Variants in NAV2 observed in about 807,000 individuals in gnomAD.
NAV2 encodes the protein helicase, APC down-regulated 1.
NAV2 carries 54 observed loss-of-function variants against 223.2 expected under a neutral mutation model. The ratio of observed to expected loss-of-function variants is 0.24; its 90% confidence interval spans 0.19 to 0.30. The LOEUF (loss-of-function observed/expected upper bound fraction) is 0.30. NAV2 is among the 10% of genes least tolerant of loss of function. The probability of loss-of-function intolerance (pLI) is 1.00; values close to 1 mark genes in which losing one functional copy is unlikely to be tolerated. For synonymous variants in NAV2, 1,279 were observed against 1,239.3 expected (o/e 1.03, Z -0.67); for missense variants, 2,806 against 3,147.5 (o/e 0.89, Z 2.60).
chr11:19,787,115 G>C (rs754286605), intron 1 of NAV2, among the ~76,000 whole-genome samples: 4 of 151,942 alleles, frequency 2.6e-5, no homozygotes, highest in East Asian at 1.9e-4. Context: ...TTTTGAGATA[G>C]TGTCTTGTTC....
chr11:19,361,553 G>A (rs1444546057), intron 1 of NAV2, among the ~76,000 whole-genome samples: 2 of 152,106 alleles, frequency 1.3e-5, no homozygotes, highest in Non-Finnish European at 2.9e-5. Flanking sequence ...GGGCTCTAAA[G>A]TGTCTTCCTC....
chr11:19,751,160 C>T (rs2053777827), intron 1 of NAV2, among the ~76,000 whole-genome samples: 1 of 152,140 alleles, frequency 6.6e-6, no homozygotes, highest in South Asian at 2.1e-4. Flanking sequence ...AAAGAAGATC[C>T]AGTTTCCCAG....
intron 1 of NAV2, among the ~76,000 whole-genome samples, chr11:19,595,734 A>T (rs12794730): frequency 0.31 from 17,084 of 55,480 alleles, 2,820 homozygotes; most frequent in African/African-American, 0.52. Context: ...AAAAAAAAAA[A>T]TTTTTTTTTT....
intron 1 of NAV2, among the ~76,000 whole-genome samples, chr11:19,493,227 A>G (rs779832517): frequency 1.3e-5 from 2 of 151,178 alleles, no homozygotes; most frequent in Non-Finnish European, 2.9e-5. Flanking sequence ...TTCTCCTCCA[A>G]TAGAATACTA....
intron 1 of NAV2, among the ~76,000 whole-genome samples, chr11:19,374,602 G>A (rs1406993095): frequency 1.3e-5 from 2 of 152,106 alleles, no homozygotes; most frequent in African/African-American, 4.8e-5. Flanking sequence ...CTGCACAATA[G>A]GAAGAAACAC....
chr11:19,472,594 T>A (rs1202343248), intron 1 of NAV2, among the ~76,000 whole-genome samples: 4 of 152,116 alleles, frequency 2.6e-5, no homozygotes, highest in African/African-American at 9.7e-5. Context: ...TCATTTCCTC[T>A]TGTGTAGTCA....
chr11:19,848,929 C>T (rs554771323), intron 3 of NAV2, among the ~76,000 whole-genome samples: 1 of 152,204 alleles, frequency 6.6e-6, no homozygotes, highest in Non-Finnish European at 1.5e-5. Flanking sequence ...TCAGTCCCAT[C>T]ATAAGTGGCC....
intron 1 of NAV2, among the ~76,000 whole-genome samples, chr11:19,522,477 G>T (rs1269658239): frequency 6.6e-6 from 1 of 152,162 alleles, no homozygotes; most frequent in Non-Finnish European, 1.5e-5. Flanking sequence ...CAGCAGTAAG[G>T]GGCCAGCAAC....
At chr11:19,853,298 C>T (rs1343189510) in intron 3 of NAV2, among the ~76,000 whole-genome samples, 2 of 152,194 alleles carry the variant, frequency 1.3e-5, no homozygotes, top group African/African-American at 4.8e-5. Flanking sequence ...TATGACTGAG[C>T]AAACATGCAT....
At chr11:19,645,348 A>G (rs982659973) in intron 1 of NAV2, among the ~76,000 whole-genome samples, 5 of 152,214 alleles carry the variant, frequency 3.3e-5, no homozygotes, top group Non-Finnish European at 7.3e-5. Flanking sequence ...GTGCACCTGG[A>G]TAATCCAGGA....
At chr11:19,431,738 T>C (rs987178285) in intron 1 of NAV2, among the ~76,000 whole-genome samples, 4 of 152,168 alleles carry the variant, frequency 2.6e-5, no homozygotes, top group African/African-American at 9.7e-5. Flanking sequence ...ACTGGGACCT[T>C]CTGTAGAGTC....
intron 1 of NAV2, among the ~76,000 whole-genome samples, chr11:19,558,205 G>A (rs2044969141): frequency 1.3e-5 from 2 of 152,156 alleles, no homozygotes; most frequent in South Asian, 4.1e-4. Context: ...ATCTATTGCT[G>A]CGAAACAAAC....
At chr11:19,889,731 C>A (rs2041329572) in intron 5 of NAV2, among the ~76,000 whole-genome samples, 1 of 152,124 alleles carries the variant, frequency 6.6e-6, no homozygotes, top group East Asian at 1.9e-4. Context: ...TTAGTTAATC[C>A]CAAACCACGG....
rs1244386651 is a variant in NAV2, at chr11:19,705,010, CAA to C, written c.76-127457_76-127456del. 9.6e-3 allele frequency among the ~76,000 whole-genome samples: 457 copies of C among 47,532 alleles called. 1 individual carries two copies. Among genetic ancestry groups the C allele is most frequent in the African/African-American group, 0.031 (439 of 13,962 alleles). The allele number at this position is 47,532 out of a possible 152,430, so 31.2% of individuals were successfully genotyped here. ...TGGGCGACAGAGTGAGACTCCGTCTCAAAAAAAAAAAAAAAAAAGAAAAGAAA... is the reference window on the plus strand; with the variant it reads ...TGGGCGACAGAGTGAGACTCCGTCTCAAAAAAAAAAAAAAAAGAAAAGAAA... On this transcript the variant is annotated intron_variant, in intron 1 of 37. Transcript: ENST00000360655.
At chr11:19,522,335 T>G (rs2043690716) in intron 1 of NAV2, among the ~76,000 whole-genome samples, 1 of 152,212 alleles carries the variant, frequency 6.6e-6, no homozygotes, top group Admixed American at 6.5e-5. Flanking sequence ...TTATTCTTTT[T>G]GATAGAGAGA....
intron 1 of NAV2, among the ~76,000 whole-genome samples, chr11:19,553,064 C>T (rs577986942): frequency 6.6e-6 from 1 of 152,342 alleles, no homozygotes; most frequent in Non-Finnish European, 1.5e-5. Context: ...GTAACATGCT[C>T]TCCATGGATA....
intron 1 of NAV2, among the ~76,000 whole-genome samples, chr11:19,687,287 AGCTAGAAATATTTCTTATC>A (rs1565168233): frequency 6.6e-6 from 1 of 152,248 alleles, no homozygotes; most frequent in Non-Finnish European, 1.5e-5. Flanking sequence ...GCCAGAAAAG[AGCTAGAAATATTTCTTATC>A]CAGATAGTCA....
intron 11 of NAV2, among the ~76,000 whole-genome samples, chr11:20,028,464 A>G (rs928689461): frequency 2.0e-5 from 3 of 152,176 alleles, no homozygotes; most frequent in South Asian, 2.1e-4. Flanking sequence ...TTAAAATGCT[A>G]CATGTTGGCC....
chr11:20,037,593 T>A (rs1407748144), intron 12 of NAV2, among the ~76,000 whole-genome samples: 3 of 152,182 alleles, frequency 2.0e-5, no homozygotes, highest in Non-Finnish European at 4.4e-5. Flanking sequence ...CCCATATGAC[T>A]AGAAAGGGGG....
Sources: allele counts gnomAD v4.1 joint callset (sites outside exome capture counted in the v4.1 genomes callset), GRCh38; gene constraint gnomAD v4.1.1; transcripts MANE v1.5; gene names NCBI Gene and HGNC (gene_info 2026-07-23, HGNC 2026-07-21).